MAP3K21: variants seen among roughly 807,000 people sequenced by gnomAD.
MAP3K21 encodes the protein mitogen-activated protein kinase kinase kinase MLK4.
MAP3K21 carries 63 observed loss-of-function variants against 86.1 expected under a neutral mutation model. That is an observed-to-expected ratio of 0.73 (90% CI 0.60 to 0.90). The LOEUF (loss-of-function observed/expected upper bound fraction) is 0.90. Among genes scored for constraint, MAP3K21 ranks in the 40% least tolerant of loss-of-function variants. The probability of loss-of-function intolerance (pLI) is 0.00; values close to 1 mark genes in which losing one functional copy is unlikely to be tolerated. For synonymous variants in MAP3K21, 558 were observed against 564.8 expected, an observed-to-expected ratio of 0.99 and a Z score of 0.17; for missense variants, 1,220 against 1,367.7, an observed-to-expected ratio of 0.89 and a Z score of 1.70.
chr1:233,328,889 G>C lies in MAP3K21; in HGVS notation c.805+56G>C. On this transcript the variant is annotated intron_variant, in intron 1 of 9. Coordinates refer to ENST00000366624, the MANE Select transcript of MAP3K21 (RefSeq NM_032435.3). This position sits in a 1 kb window ranked among gnomAD's most constrained non-coding sequence, Gnocchi z 8.7. ...ACTACCTCCGTGCCAGCCCAGGCGG[G>C]CTCCACAGGACATAGTACCAGATGG... 7.2e-7 allele frequency: 1 copy of C among 1,390,296 alleles called. No individual in the cohort carries two copies. Among genetic ancestry groups the C allele is most frequent in the Non-Finnish European group, 9.4e-7 (1 of 1,064,806 alleles). The allele number at this position is 1,390,296 out of a possible 1,614,324, so 86.1% of individuals were successfully genotyped here. A position where few individuals can be genotyped will look rare whatever the true frequency, so the allele number is the denominator to read the frequency against.
intron 1 of MAP3K21, among the ~76,000 whole-genome samples, chr1:233,339,307 T>TTCTTCTTCTTCC (rs1662983248): frequency 5.9e-5 from 8 of 135,782 alleles, no homozygotes; most frequent in Non-Finnish European, 7.9e-5. Context: ...CTTCTTCCTC[T>TTCTTCTTCTTCC]TCTTCTTCCT....
At chr1:233,372,800 C>T (rs1168923220) in intron 6 of MAP3K21, 1 of 151,960 alleles carries the variant, frequency 6.6e-6, no homozygotes, top group Non-Finnish European at 1.5e-5. Flanking sequence ...CAGATAAACC[C>T]CTAAAAGTAG....
rs149445678 is a variant in MAP3K21 at position 233,382,497 on chromosome 1, C to T, written c.2897C>T (p.Ser966Phe). The T allele has an allele frequency of 5.0e-6, 8 of 1,614,104 alleles. No individual in the cohort carries two copies. The African/African-American group carries it at 9.3e-5, about 19-fold the overall frequency. Residue 966 changes from serine (S) to phenylalanine (F), a missense_variant, in exon 10 of 10, where the codon TCT becomes TTT. Physicochemically the swap from Ser to Phe is radical, Grantham distance 155. Coordinates refer to ENST00000366624, the MANE Select transcript of MAP3K21 (RefSeq NM_032435.3). ...CAGGCTTACCCACAGACAGCAGTGT[C>T]TCAGCTGGCACAGACTGCCTGTGTA... ...LPQAYPQTAVSQLAQTACVVG... is the reference protein window; with the variant it reads ...LPQAYPQTAVFQLAQTACVVG...
Position 233,376,509 on chromosome 1 carries a change from T to G in MAP3K21, c.1906T>G (p.Leu636Val). ...TCAGAAAACCATGCCCTTGGCTTCA[T>G]TGTTTGTGGACCAGCCAGGTAAATG... Reference protein sequence around the residue: ...KNQKTMPLASLFVDQPGSCEE... With the variant: ...KNQKTMPLASVFVDQPGSCEE... The change falls in exon 8 of 10, where the codon TTG (leucine) becomes GTG (valine). Residue 636 changes from leucine to valine, a missense_variant. Coordinates refer to ENST00000366624, the MANE Select transcript of MAP3K21 (RefSeq NM_032435.3). The G allele has an allele frequency of 6.2e-7, 1 of 1,612,964 alleles. No homozygotes were observed. The highest frequency in any genetic ancestry group is 8.5e-7 in the Non-Finnish European group (1 of 1,179,144).
intron 1 of MAP3K21, among the ~76,000 whole-genome samples, chr1:233,337,666 C>T (rs1662943293): frequency 6.6e-6 from 1 of 152,172 alleles, no homozygotes; most frequent in Admixed American, 6.5e-5. Context: ...GGAAACAGTT[C>T]TGAGCCTTGT....
intron 5 of MAP3K21, among the ~76,000 whole-genome samples, chr1:233,369,578 G>A (rs1023478775): frequency 2.0e-5 from 3 of 152,004 alleles, no homozygotes; most frequent in African/African-American, 4.8e-5. Flanking sequence ...GCCTCTACCC[G>A]CTTTGTACAG....
rs749385401 is a variant in MAP3K21, at chr1:233,378,982, C to G, written c.1976C>G (p.Pro659Arg). 1.2e-6 allele frequency: 2 copies of G among 1,613,894 alleles called. No homozygotes were observed. The highest frequency in any genetic ancestry group is 2.2e-5 in the South Asian group (2 of 91,062). The part of the protein sequence containing the change: ...LSPDGLEHRK[P>R]KQIKLPSQAY... Reference sequence around the variant, plus strand: ...CCTGATGGATTAGAACACAGAAAACCAAAACAAATAAAATTGCCTAGTCAG... The same window carrying G: ...CCTGATGGATTAGAACACAGAAAACGAAAACAAATAAAATTGCCTAGTCAG... Residue 659 changes from proline to arginine, a missense_variant, in exon 9 of 10, where the codon CCA (proline) becomes CGA (arginine). Pro to Arg is a moderately radical substitution (Grantham distance 103). This residue lies in a region of MAP3K21 where 632 missense variants were observed against 691.3 expected (regional missense o/e 0.91). Transcript: ENST00000366624.
At chr1:233,340,406 C>A (rs1572240801) in intron 1 of MAP3K21, among the ~76,000 whole-genome samples, 1 of 152,122 alleles carries the variant, frequency 6.6e-6, no homozygotes, top group Non-Finnish European at 1.5e-5. Context: ...CAGAAAAAGG[C>A]AATGCTGTAG....
chr1:233,379,270 A>G lies in MAP3K21; in HGVS notation c.2264A>G (p.Glu755Gly). 6.2e-7 allele frequency: 1 copy of G among 1,614,208 alleles called. No homozygotes were observed. Among genetic ancestry groups the G allele is most frequent in the Non-Finnish European group, 8.5e-7 (1 of 1,180,038 alleles). The part of the protein sequence containing the change: ...AQAAEEPLPK[E>G]EKKKREGIFQ... The stretch of plus-strand genomic sequence containing the variant: ...GCTGCTGAAGAACCGTTGCCCAAGG[A>G]AGAGAAGAAGAAACGAGAGGGAATC... The change falls in exon 9 of 10, where the codon GAA becomes GGA. Residue 755 changes from glutamate to glycine, a missense_variant. Coordinates refer to ENST00000366624, the MANE Select transcript of MAP3K21 (RefSeq NM_032435.3).
At chr1:233,333,443 G>A (rs751351837) in intron 1 of MAP3K21, among the ~76,000 whole-genome samples, 12 of 152,200 alleles carry the variant, frequency 7.9e-5, no homozygotes, top group East Asian at 1.9e-4. Context: ...TCATGTTTGC[G>A]TATTAAAAAG....
chr1:233,339,666 T>C (rs999517971), intron 1 of MAP3K21, among the ~76,000 whole-genome samples: 11 of 151,998 alleles, frequency 7.2e-5, no homozygotes, highest in Admixed American at 6.6e-5. Flanking sequence ...AGTTCTTTTG[T>C]AGGGGTTGGT....
chr1:233,355,129 A>G, intron 4 of MAP3K21, 118 bp downstream of exon 4: 1 of 720,672 alleles, frequency 1.4e-6, no homozygotes, highest in Non-Finnish European at 2.2e-6. Context: ...ATATTTGTTG[A>G]TTCTCACCTT....
chr1:233,375,663 G>C, intron 6 of MAP3K21: 1 of 485,838 alleles, frequency 2.1e-6, no homozygotes, highest in South Asian at 3.5e-5. Context: ...AGATTAAAAA[G>C]TAATCAAATC....
At chr1:233,371,623 G>T (rs1384769496) in intron 5 of MAP3K21, among the ~76,000 whole-genome samples, 1 of 152,152 alleles carries the variant, frequency 6.6e-6, no homozygotes, top group East Asian at 1.9e-4. Flanking sequence ...GCCTCCCAAA[G>T]TATTGGGATT....
intron 1 of MAP3K21, among the ~76,000 whole-genome samples, chr1:233,332,816 T>C (rs72752000): frequency 0.05 from 7,327 of 146,782 alleles, 203 homozygotes; most frequent in South Asian, 0.11. Flanking sequence ...TTTTCTTTTT[T>C]GATGTTGCTT....
rs1357660508 is a variant in MAP3K21 at position 233,362,212 on chromosome 1, C to T, written c.1471C>T (p.Pro491Ser). 5 of 1,614,132 alleles carry T rather than the reference C, an allele frequency of 3.1e-6. No individual in the cohort carries two copies. The highest frequency in any genetic ancestry group is 4.2e-6 in the Non-Finnish European group (5 of 1,180,028). The change falls in exon 5 of 10, where the codon CCC becomes TCC. Residue 491 changes from proline to serine, a missense_variant. By Grantham distance (74) the Pro-to-Ser change is moderately conservative (BLOSUM62 -1). Around this residue, in one of 5 missense-constraint regions of MAP3K21, gnomAD observed 632 missense variants for 691.3 expected, o/e 0.91. Coordinates refer to ENST00000366624, the MANE Select transcript of MAP3K21 (RefSeq NM_032435.3). ...ILIFQLNQEK[P>S]KVKKRKGKFK... Reference sequence around the variant, plus strand: ...GATATTCCAGCTAAACCAGGAGAAGCCCAAGGTAAAGAAGAGGAAGGGCAA... The same window carrying T: ...GATATTCCAGCTAAACCAGGAGAAGTCCAAGGTAAAGAAGAGGAAGGGCAA...
Position 233,346,481 on chromosome 1 carries a change from A to G in MAP3K21, c.845A>G (p.Asn282Ser), listed in dbSNP as rs774545944. ...LEKIEHDDIC[N>S]KTLKITDFGL... Reference sequence around the variant, plus strand: ...AAGATAGAACATGATGACATCTGCAATAAAACTTTGAAGATTACAGATTTT... The same window carrying G: ...AAGATAGAACATGATGACATCTGCAGTAAAACTTTGAAGATTACAGATTTT... Residue 282 changes from asparagine to serine, a missense_variant, in exon 2 of 10, where the codon AAT becomes AGT. By Grantham distance (46) the Asn-to-Ser change is conservative. Around this residue, in one of 5 missense-constraint regions of MAP3K21, gnomAD observed 89 missense variants for 144.8 expected, o/e 0.61. Coordinates refer to ENST00000366624, the MANE Select transcript of MAP3K21 (RefSeq NM_032435.3). 4 of 1,613,806 alleles carry G rather than the reference A, an allele frequency of 2.5e-6. No homozygotes were observed. Among genetic ancestry groups the G allele is most frequent in the Non-Finnish European group, 2.5e-6 (3 of 1,179,770 alleles).
At chr1:233,347,486 T>C (rs1336891262) in intron 2 of MAP3K21, among the ~76,000 whole-genome samples, 3 of 152,224 alleles carry the variant, frequency 2.0e-5, no homozygotes, top group Non-Finnish European at 4.4e-5. Context: ...TGCCATTGTT[T>C]AGTGCTCATA....
chr1:233,334,853 C>T (rs1323286817), intron 1 of MAP3K21, among the ~76,000 whole-genome samples: 1 of 152,074 alleles, frequency 6.6e-6, no homozygotes, highest in East Asian at 1.9e-4. Flanking sequence ...CTTACTTAGA[C>T]ATTGGTTTGA....
Sources: allele counts gnomAD v4.1 joint callset (sites outside exome capture counted in the v4.1 genomes callset), GRCh38; gene constraint gnomAD v4.1.1; regional missense constraint gnomAD v4.1.1; non-coding constraint Gnocchi (gnomAD v3.1); transcripts MANE v1.5; gene names NCBI Gene and HGNC (gene_info 2026-07-23, HGNC 2026-07-21).